MICALL1: variants seen among roughly 807,000 people sequenced by gnomAD.
MICALL1 encodes MICAL-like protein 1.
In MICALL1, 61 loss-of-function variants were observed where a neutral mutation model predicts 83.7. That is an observed-to-expected ratio of 0.73 (90% confidence interval 0.59 to 0.90). The LOEUF (loss-of-function observed/expected upper bound fraction) is 0.90. Ranked by LOEUF, MICALL1 falls within the 40% of genes least tolerant of loss-of-function variation. The pLI is 0.00. For missense variants in MICALL1, 1,066 were observed against 1,152.0 expected (o/e 0.93, Z 1.08); for synonymous variants, 481 against 473.6 (o/e 1.02, Z -0.20).
At chr22:37,936,299 G>A (rs1200482632) in intron 13 of MICALL1, among the ~76,000 whole-genome samples, 1 of 152,202 alleles carries the variant, frequency 6.6e-6, no homozygotes, top group African/African-American at 2.4e-5. Flanking sequence ...CCACAGCCTT[G>A]GATAAATGTC....
Position 37,906,328 on chromosome 22 carries a change from C to A in MICALL1, c.-95C>A. On this transcript the variant is annotated 5_prime_UTR_variant, in exon 1 of 16. Transcript: ENST00000215957. The surrounding 1 kb of genome is among the most constrained non-coding windows in gnomAD (Gnocchi z 4.4). ...CGGTCGGCGCCCGAGCTCGGAGCCG[C>A]AGCCGCAGCCGGAAACCGGGCCCGC... The A allele has an allele frequency of 1.1e-6, 1 of 915,384 alleles. No individual in the cohort carries two copies. Among genetic ancestry groups the A allele is most frequent in the Non-Finnish European group, 1.3e-6 (1 of 766,712 alleles). 56.7% of individuals were successfully genotyped at this position (915,384 alleles called of 1,614,324 possible).
intron 15 of MICALL1, among the ~76,000 whole-genome samples, chr22:37,940,071 A>C (rs1930349861): frequency 6.6e-6 from 1 of 151,534 alleles, no homozygotes; most frequent in South Asian, 2.1e-4. Context: ...CCTGGGCGAC[A>C]GAGACTCTGT....
At chr22:37,918,455 TG>T (rs980971091) in intron 4 of MICALL1, among the ~76,000 whole-genome samples, 2 of 152,034 alleles carry the variant, frequency 1.3e-5, no homozygotes, top group Non-Finnish European at 2.9e-5. Flanking sequence ...AGCCCCAGGG[TG>T]GGTGCTCCAT....
chr22:37,910,765 G>A (rs750870122), intron 1 of MICALL1, among the ~76,000 whole-genome samples: 5 of 152,036 alleles, frequency 3.3e-5, no homozygotes, highest in Admixed American at 2.6e-4. Context: ...GTGCTTACCT[G>A]GCTCCCTCAT....
In MICALL1 at chr22:37,932,133, C is replaced by T. The variant is rs562866372; in HGVS notation, c.2016+200C>T. ...GATTTGGAGCAGATCAGCCCTTCAC[C>T]ACCAAAAGCAGTGGGTGGTGCATTT... On this transcript the variant is annotated intron_variant, in intron 10 of 15. Transcript: ENST00000215957. The surrounding 1 kb of genome is among the most constrained non-coding windows in gnomAD (Gnocchi z 4.4). Among the ~76,000 whole-genome samples the T allele has an allele frequency of 2.0e-5, 3 of 152,376 alleles. No individual in the cohort carries two copies. The highest frequency in any genetic ancestry group is 4.4e-5 in the Non-Finnish European group (3 of 68,038).
Position 37,912,433 on chromosome 22 carries a change from G to C in MICALL1, c.278G>C (p.Cys93Ser). The change falls in exon 3 of 16, where the codon TGC (cysteine) becomes TCC (serine). Residue 93 changes from cysteine (C) to serine (S), a missense_variant. Physicochemically the swap from Cys to Ser is moderately radical, Grantham distance 112. Transcript: ENST00000215957. ...ATGGTCTCCATGAGCGTCCCTGACT[G>C]CCTCAGCATCATGACCTATGTGTCC... ...NDMVSMSVPD[C>S]LSIMTYVSQY... is the part of the protein sequence containing the mutation. The C allele has an allele frequency of 6.2e-7, 1 of 1,613,990 alleles. No individual in the cohort carries two copies. Among genetic ancestry groups the C allele is most frequent in the Non-Finnish European group, 8.5e-7 (1 of 1,179,896 alleles).
chr22:37,932,432 C>A lies in MICALL1; in HGVS notation c.2017-121C>A. On this transcript the variant is annotated intron_variant, in intron 10 of 15. Coordinates refer to ENST00000215957, the MANE Select transcript of MICALL1 (RefSeq NM_033386.4). The surrounding 1 kb of genome is among the most constrained non-coding windows in gnomAD (Gnocchi z 4.4). ...ACTGGGACCCTGCCTTCTTACCATGCTGGGGTGGGGGACAGGGCCCGGGCC... is the reference window on the plus strand; with the variant it reads ...ACTGGGACCCTGCCTTCTTACCATGATGGGGTGGGGGACAGGGCCCGGGCC... The A allele has an allele frequency of 6.8e-7, 1 of 1,479,716 alleles. No individual in the cohort carries two copies. The highest frequency in any genetic ancestry group is 9.1e-7 in the Non-Finnish European group (1 of 1,100,046). 91.7% of individuals were successfully genotyped at this position (1,479,716 alleles called of 1,614,324 possible). A position where few individuals can be genotyped will look rare whatever the true frequency, so the allele number is the denominator to read the frequency against.
Position 37,932,678 on chromosome 22 carries a change from T to C in MICALL1, c.2142T>C (p.Asn714=), listed in dbSNP as rs748863075. ...AGGAGAAGCTGCGTGGCGGCCTGAA[T>C]GGTGCGGGAGCGGCTGGGAGGGCCT... ...LLEEKLRGGL[N]EGREDDMLVD... Residue 714 remains asparagine, a splice_region_variant and synonymous_variant, in exon 11 of 16, where the codon AAT becomes AAC. Coordinates refer to ENST00000215957, the MANE Select transcript of MICALL1 (RefSeq NM_033386.4). The surrounding 1 kb of genome is among the most constrained non-coding windows in gnomAD (Gnocchi z 4.4). The C allele has an allele frequency of 1.1e-5, 18 of 1,613,538 alleles. No individual in the cohort carries two copies. Among genetic ancestry groups the C allele is most frequent in the African/African-American group, 2.7e-5 (2 of 74,912 alleles).
At chr22:37,920,030 G>T (rs1928927168) in intron 5 of MICALL1, among the ~76,000 whole-genome samples, 1 of 151,898 alleles carries the variant, frequency 6.6e-6, no homozygotes, top group Non-Finnish European at 1.5e-5. Context: ...CTACTATGTT[G>T]CCCAGGCTGG....
intron 5 of MICALL1, among the ~76,000 whole-genome samples, chr22:37,921,679 C>T (rs1427552710): frequency 6.6e-6 from 1 of 152,256 alleles, no homozygotes; most frequent in East Asian, 1.9e-4. Flanking sequence ...CAGCCACTCA[C>T]TGGATGCCAC....
intron 15 of MICALL1, among the ~76,000 whole-genome samples, 192 bp from the exon 16 acceptor site, chr22:37,940,517 G>A (rs1007876890): frequency 1.3e-5 from 2 of 152,228 alleles, no homozygotes; most frequent in South Asian, 4.1e-4. Flanking sequence ...GGGAGGATGG[G>A]CCCCATCCTC....
rs1929304218 is a variant in MICALL1 at position 37,924,642 on chromosome 22, C to T, written c.1025-18C>T. ...CTGCTGCCCATGAAGGCCTGGCTCA[C>T]TCTCCTTTCCCATCTAGGGAGACTG... On this transcript the variant is annotated intron_variant, in intron 6 of 15. Transcript: ENST00000215957. The surrounding 1 kb of genome is among the most constrained non-coding windows in gnomAD (Gnocchi z 5.2). 6.2e-7 allele frequency: 1 copy of T among 1,607,152 alleles called. No individual in the cohort carries two copies. Among genetic ancestry groups the T allele is most frequent in the Non-Finnish European group, 8.5e-7 (1 of 1,176,188 alleles).
In MICALL1 at chr22:37,922,554, G is replaced by A. The variant is rs1206892079; in HGVS notation, c.1024+128G>A. 3 of 474,132 alleles carry A rather than the reference G, an allele frequency of 6.3e-6. No homozygotes were observed. The South Asian group carries it at 1.2e-4, about 18-fold the overall frequency. 29.4% of individuals were successfully genotyped at this position (474,132 alleles called of 1,614,324 possible). A position where few individuals can be genotyped will look rare whatever the true frequency, so the allele number is the denominator to read the frequency against. On this transcript the variant is annotated intron_variant, in intron 6 of 15. Transcript: ENST00000215957. ...CCATTGTGTGCTGTGCTGTGTTGGG[G>A]CCTGCCTGTGTTTTTGAGGTTATTA...
At chr22:37,913,645 A>G (rs1211202882) in intron 3 of MICALL1, among the ~76,000 whole-genome samples, 2 of 152,190 alleles carry the variant, frequency 1.3e-5, no homozygotes, top group African/African-American at 4.8e-5. Flanking sequence ...ATTCCCATGC[A>G]AGGACCTCCC....
chr22:37,935,247 A>G (rs925603170), intron 13 of MICALL1, among the ~76,000 whole-genome samples: 1 of 144,424 alleles, frequency 6.9e-6, no homozygotes, highest in Non-Finnish European at 1.5e-5. Context: ...CCTATTTGTT[A>G]TTATTATTAT....
At chr22:37,933,134 C>G in intron 13 of MICALL1, 22 bp downstream of exon 13, 1 of 1,611,732 alleles carries the variant, frequency 6.2e-7, no homozygotes, top group Non-Finnish European at 8.5e-7. Flanking sequence ...CACTGGCACT[C>G]CCCTGGCACC....
At position 37,922,360 on chromosome 22, in the gene MICALL1, C is replaced by T. The variant is rs202003481; in HGVS notation, c.958C>T (p.Arg320Trp). 53 of 1,532,692 alleles carry T rather than the reference C, an allele frequency of 3.5e-5. No homozygotes were observed. Among genetic ancestry groups the T allele is most frequent in the East Asian group, 4.9e-5 (2 of 40,892 alleles). The allele number at this position is 1,532,692 out of a possible 1,614,324, so 94.9% of individuals were successfully genotyped here. ...CACCACCCCAGCACCCCCCACGCCC[C>T]GGCCCCGCTCCAGTCTGCAGCAGGA... ...ESTTPAPPTP[R>W]PRSSLQQENL... Residue 320 changes from arginine (R) to tryptophan (W), a missense_variant, in exon 6 of 16, where the codon CGG becomes TGG. Transcript: ENST00000215957.
intron 1 of MICALL1, among the ~76,000 whole-genome samples, chr22:37,908,046 A>G (rs1167409453): frequency 6.6e-6 from 1 of 152,096 alleles, no homozygotes; most frequent in Non-Finnish European, 1.5e-5. Context: ...TTGGGTGTGA[A>G]GTGAAGCCAT....
Position 37,906,595 on chromosome 22 carries a change from G to T in MICALL1, c.146+27G>T. The stretch of plus-strand genomic sequence containing the variant: ...TGAGTGCGGGGCCCCGGGCGAGCGG[G>T]CGGCGCGGGGCGGGCTGGGGCCGCG... On this transcript the variant is annotated intron_variant, in intron 1 of 15. Coordinates refer to ENST00000215957, the MANE Select transcript of MICALL1 (RefSeq NM_033386.4). The surrounding 1 kb of genome is among the most constrained non-coding windows in gnomAD (Gnocchi z 4.4). 2 of 1,158,122 alleles carry T rather than the reference G, an allele frequency of 1.7e-6. No homozygotes were observed. The highest frequency in any genetic ancestry group is 1.6e-5 in the African/African-American group (1 of 61,454). 71.7% of individuals were successfully genotyped at this position (1,158,122 alleles called of 1,614,324 possible). A position where few individuals can be genotyped will look rare whatever the true frequency, so the allele number is the denominator to read the frequency against.
Sources: allele counts gnomAD v4.1 joint callset (sites outside exome capture counted in the v4.1 genomes callset), GRCh38; gene constraint gnomAD v4.1.1; non-coding constraint Gnocchi (gnomAD v3.1); transcripts MANE v1.5; gene names NCBI Gene and HGNC (gene_info 2026-07-23, HGNC 2026-07-21).